TMEM108: variants seen among roughly 807,000 people sequenced by gnomAD.
The protein encoded by TMEM108 is transmembrane protein 108, also known as cancer/testis antigen 124.
In TMEM108, 12 loss-of-function variants were observed where a neutral mutation model predicts 35.1. The ratio of observed to expected loss-of-function variants is 0.34; its 90% CI spans 0.22 to 0.55. TMEM108 has a LOEUF of 0.55. Ranked by LOEUF, TMEM108 falls within the 20% of genes least tolerant of loss-of-function variation. The pLI is 0.89. For missense variants in TMEM108, 680 were observed against 753.3 expected (o/e 0.90, Z 1.14); for synonymous variants, 287 against 308.6 (o/e 0.93, Z 0.73).
intron 2 of TMEM108, among the ~76,000 whole-genome samples, chr3:133,202,775 G>C (rs1401911329): frequency 1.3e-5 from 2 of 152,088 alleles, no homozygotes; most frequent in Non-Finnish European, 2.9e-5. Context: ...TGGCAATGTG[G>C]GCTCTTTTTT....
intron 3 of TMEM108, among the ~76,000 whole-genome samples, chr3:133,355,742 A>T (rs2072144763): frequency 6.6e-6 from 1 of 152,188 alleles, no homozygotes; most frequent in Admixed American, 6.5e-5. Flanking sequence ...TGGCAGTTAC[A>T]CACTACTTAC....
rs907819805 is a variant in TMEM108, at chr3:133,258,089, G to A, written c.40+28738G>A. On this transcript the variant is annotated intron_variant, in intron 3 of 5. Coordinates refer to ENST00000321871, the MANE Select transcript of TMEM108 (RefSeq NM_023943.4). ...CAATGTGATGGTATTTGGAGGTGGG[G>A]CCTTTGGGAGGTGATTAGGTCATGA... Among the ~76,000 whole-genome samples the A allele has an allele frequency of 5.3e-5, 8 of 152,182 alleles. No individual in the cohort carries two copies. In the East Asian group the frequency reaches 1.5e-3, roughly 29 times the overall value.
intron 2 of TMEM108, among the ~76,000 whole-genome samples, chr3:133,226,430 A>G (rs932852925): frequency 6.6e-6 from 1 of 152,170 alleles, no homozygotes; most frequent in Non-Finnish European, 1.5e-5. Flanking sequence ...ATACTTTGAT[A>G]TTTTTCAGGG....
At chr3:133,375,125 G>C (rs1046473182) in intron 3 of TMEM108, among the ~76,000 whole-genome samples, 2 of 152,250 alleles carry the variant, frequency 1.3e-5, no homozygotes, top group African/African-American at 4.8e-5. Context: ...AGCCCTTTGA[G>C]CAGTGTATAG....
At chr3:133,225,518 C>T (rs555064944) in intron 2 of TMEM108, among the ~76,000 whole-genome samples, 1 of 152,254 alleles carries the variant, frequency 6.6e-6, no homozygotes, top group East Asian at 1.9e-4. Context: ...CTTCTGATTT[C>T]CAGAGCAATA....
intron 2 of TMEM108, among the ~76,000 whole-genome samples, chr3:133,108,738 C>G (rs986003649): frequency 1.3e-5 from 2 of 150,090 alleles, no homozygotes; most frequent in African/African-American, 4.9e-5. Flanking sequence ...ATCGCAAGGA[C>G]GAAAAACCAA....
chr3:133,163,928 T>C (rs1245317590), intron 2 of TMEM108, among the ~76,000 whole-genome samples: 1 of 152,220 alleles, frequency 6.6e-6, no homozygotes, highest in African/African-American at 2.4e-5. Context: ...CTCTGACAGC[T>C]ACTTGTCTCA....
At chr3:133,262,849 A>G (rs575219875) in intron 3 of TMEM108, among the ~76,000 whole-genome samples, 7 of 152,350 alleles carry the variant, frequency 4.6e-5, no homozygotes, top group South Asian at 2.1e-4. Flanking sequence ...GACAATTCCA[A>G]ATATGTTCCC....
intron 3 of TMEM108, among the ~76,000 whole-genome samples, chr3:133,325,381 G>C (rs1419091768): frequency 6.6e-6 from 1 of 152,180 alleles, no homozygotes; most frequent in Non-Finnish European, 1.5e-5. Flanking sequence ...ACACTGCTTA[G>C]GTGATGAGTG....
intron 3 of TMEM108, among the ~76,000 whole-genome samples, chr3:133,340,021 C>T (rs2071614725): frequency 6.6e-6 from 1 of 151,244 alleles, no homozygotes; most frequent in South Asian, 2.1e-4. Flanking sequence ...AATAAACGAC[C>T]TAATATTACA....
intron 2 of TMEM108, among the ~76,000 whole-genome samples, chr3:133,053,266 C>T (rs1943428029): frequency 6.6e-6 from 1 of 152,162 alleles, no homozygotes; most frequent in African/African-American, 2.4e-5. Context: ...CCTACATCTA[C>T]TTGAAAGTAG....
At chr3:133,122,981 C>A (rs1944372488) in intron 2 of TMEM108, among the ~76,000 whole-genome samples, 1 of 152,056 alleles carries the variant, frequency 6.6e-6, no homozygotes. Context: ...ACTGTTAAGT[C>A]TCTGCAAATT....
At chr3:133,108,623 A>C (rs1370474738) in intron 2 of TMEM108, among the ~76,000 whole-genome samples, 2 of 152,040 alleles carry the variant, frequency 1.3e-5, no homozygotes, top group Non-Finnish European at 2.9e-5. Context: ...CTTTAGTTTA[A>C]TTAGATCCCA....
At chr3:133,187,879 G>C (rs1945442966) in intron 2 of TMEM108, among the ~76,000 whole-genome samples, 1 of 45,130 alleles carries the variant, frequency 2.2e-5, no homozygotes, top group African/African-American at 7.9e-5. Flanking sequence ...AGTAACGGTT[G>C]CTGCAAAAAA....
intron 3 of TMEM108, among the ~76,000 whole-genome samples, chr3:133,288,070 T>A (rs536733508): frequency 8.1e-4 from 124 of 152,302 alleles, no homozygotes; most frequent in African/African-American, 2.8e-3. Context: ...TTATGTGAAA[T>A]TGTTAATAAA....
intron 3 of TMEM108, among the ~76,000 whole-genome samples, chr3:133,364,640 C>A (rs2072451197): frequency 6.6e-6 from 1 of 152,090 alleles, no homozygotes; most frequent in South Asian, 2.1e-4. Context: ...GGAAGCCTAC[C>A]TGAAAGGGGT....
At chr3:133,309,890 C>T (rs1040600473) in intron 3 of TMEM108, among the ~76,000 whole-genome samples, 21 of 151,712 alleles carry the variant, frequency 1.4e-4, no homozygotes, top group African/African-American at 4.6e-4. Flanking sequence ...TTAGTAGAGA[C>T]GGGGTTTCAC....
chr3:133,252,071 A>G (rs1486452825), intron 3 of TMEM108, among the ~76,000 whole-genome samples: 1 of 152,138 alleles, frequency 6.6e-6, no homozygotes, highest in Non-Finnish European at 1.5e-5. Flanking sequence ...CCATCGATGT[A>G]TCTGTTGATG....
chr3:133,068,579 T>A (rs774456028), intron 2 of TMEM108, among the ~76,000 whole-genome samples: 4 of 152,050 alleles, frequency 2.6e-5, no homozygotes, highest in Non-Finnish European at 5.9e-5. Context: ...GTTCAAAATG[T>A]GGATAGGAAA....
Sources: gnomAD v4.1 joint callset for allele counts (sites outside exome capture counted in the v4.1 genomes callset) on GRCh38, gnomAD v4.1.1 for gene constraint, MANE v1.5 for transcripts, NCBI Gene and HGNC (gene_info 2026-07-23, HGNC 2026-07-21) for gene names.